VSIG10L: variants seen among roughly 807,000 people sequenced by gnomAD.
VSIG10L encodes V-set and immunoglobulin domain-containing protein 10-like.
VSIG10L carries 63 observed loss-of-function variants against 67.3 expected under a neutral mutation model. The ratio of observed to expected loss-of-function variants is 0.94; its 90% CI spans 0.76 to 1.15. The LOEUF is 1.15. Among genes scored for constraint, VSIG10L ranks in the 50% most tolerant of loss-of-function variants. The probability of loss-of-function intolerance (pLI) is 0.00; values close to 1 mark genes in which losing one functional copy is unlikely to be tolerated. For missense variants in VSIG10L, 1,050 were observed against 1,177.5 expected, an observed-to-expected ratio of 0.89 and a Z score of 1.58; for synonymous variants, 499 against 524.9, an observed-to-expected ratio of 0.95 and a Z score of 0.67.
chr19:51,334,334 G>C, intron 7 of VSIG10L, 30 bp from the exon 8 acceptor site: 1 of 1,544,454 alleles, frequency 6.5e-7, no homozygotes, highest in East Asian at 2.5e-5. Flanking sequence ...GAAAGAGAAG[G>C]GGAACAGGAA....
At position 51,339,131 on chromosome 19, in the gene VSIG10L, C is replaced by CG. The variant is rs1185522503; in HGVS notation, c.1485dup (p.Gly496ArgfsTer8). On this transcript the variant is annotated frameshift_variant, in exon 5 of 10. Transcript: ENST00000335624. LOFTEE classifies it high-confidence loss of function. ...CCTTCAACTGAGCACTGTGGGGCCCCGGGGGGCAGGTCTGCGGAGAGAAGG... is the reference window on the plus strand; with the variant it reads ...CCTTCAACTGAGCACTGTGGGGCCCCGGGGGGGCAGGTCTGCGGAGAGAAGG... 142 of 1,304,550 alleles carry CG rather than the reference C, an allele frequency of 1.1e-4. No homozygotes were observed. The highest frequency in any genetic ancestry group is 1.3e-4 in the Non-Finnish European group (135 of 1,017,936). The allele number at this position is 1,304,550 out of a possible 1,614,324, so 80.8% of individuals were successfully genotyped here.
chr19:51,337,581 A>G (rs1599833487), intron 6 of VSIG10L, 47 bp from the exon 7 acceptor site: 12 of 425,968 alleles, frequency 2.8e-5, no homozygotes, highest in South Asian at 1.4e-4. Flanking sequence ...CAGAGGGGAG[A>G]GGGAAGGGGG....
rs751967506 is a variant in VSIG10L at position 51,334,243 on chromosome 19, C to T, written c.2367G>A (p.Ala789=). ...AAAGGAGGAGAAGTACGGCTAGCAG[C>T]GCCAGGCCCAGCAGGGAGCCCAGGA... ...GIVLGSLLGL[A]LLAVLLLLCI... is the part of the protein sequence containing the mutation. Residue 789 remains alanine (A), a synonymous_variant, in exon 8 of 10, where the codon GCG becomes GCA. Coordinates refer to ENST00000335624, the MANE Select transcript of VSIG10L (RefSeq NM_001163922.3). 13 of 1,551,760 alleles carry T rather than the reference C, an allele frequency of 8.4e-6. No homozygotes were observed. The highest frequency in any genetic ancestry group is 8.3e-5 in the South Asian group (7 of 84,062).
intron 9 of VSIG10L, among the ~76,000 whole-genome samples, chr19:51,333,470 A>C (rs895880028): frequency 6.6e-6 from 1 of 151,816 alleles, no homozygotes; most frequent in African/African-American, 2.4e-5. Context: ...CGGAGGCTGC[A>C]GTGAGTCGAG....
At position 51,341,499 on chromosome 19, in the gene VSIG10L, T is replaced by C. The variant is rs181804034; in HGVS notation, c.549A>G (p.Ala183=). Reference sequence around the variant, plus strand: ...GAAAGCTTGCAGCTGAGTGGGTCTCTGCAGAAAATTTGGATTCAGGGCTCT... The same window carrying C: ...GAAAGCTTGCAGCTGAGTGGGTCTCCGCAGAAAATTTGGATTCAGGGCTCT... ...SAQSPESKFS[A]ETHSAASFPQ... The change falls in exon 2 of 10, where the codon GCA becomes GCG. Residue 183 remains alanine, a synonymous_variant. Coordinates refer to ENST00000335624, the MANE Select transcript of VSIG10L (RefSeq NM_001163922.3). The C allele has an allele frequency of 3.0e-4, 462 of 1,550,914 alleles. 1 individual carries two copies. In the African/African-American group the frequency reaches 4.7e-3, roughly 16 times the overall value.
At chr19:51,341,096 C>T (rs1985623347) in intron 2 of VSIG10L, 57 bp downstream of exon 2, 1 of 1,454,904 alleles carries the variant, frequency 6.9e-7, no homozygotes, top group African/African-American at 1.4e-5. Flanking sequence ...TTGCCCAAAG[C>T]CTGGCAGAGC....
At chr19:51,332,836 AT>A (rs1256243787) in intron 9 of VSIG10L, among the ~76,000 whole-genome samples, 196 bp from the exon 10 acceptor site, 3 of 151,114 alleles carry the variant, frequency 2.0e-5, no homozygotes, top group African/African-American at 7.3e-5. Flanking sequence ...CCCAGTTGTT[AT>A]TTTTTATTTA....
At chr19:51,339,235 T>A (rs1599834347) in intron 4 of VSIG10L, 93 bp from the exon 5 acceptor site, 1 of 1,227,696 alleles carries the variant, frequency 8.1e-7, no homozygotes, top group African/African-American at 1.6e-5. Flanking sequence ...CCTTCTTCAC[T>A]AGCCCCACCC....
intron 9 of VSIG10L, among the ~76,000 whole-genome samples, chr19:51,333,356 C>T (rs1235722176): frequency 6.6e-6 from 1 of 152,060 alleles, no homozygotes; most frequent in Non-Finnish European, 1.5e-5. Context: ...TGGTGAAATC[C>T]CGTCTGTACT....
In VSIG10L at chr19:51,340,517, C is replaced by T; in HGVS notation, c.1105G>A (p.Val369Met). Residue 369 changes from valine (V) to methionine (M), a missense_variant, in exon 3 of 10, where the codon GTG (valine) becomes ATG (methionine). Physicochemically the swap from Val to Met is conservative, Grantham distance 21. Transcript: ENST00000335624. This position sits in a 1 kb window ranked among gnomAD's most constrained non-coding sequence, Gnocchi z 6.3. ...EGDQLLIVRP[V>M]RSDHARYTCR... ...GTGTACCGGGCGTGGTCGCTGCGCA[C>T]AGGGCGCACGATGAGCAGCTGGTCG... is the stretch of plus-strand genomic sequence containing the variant. The T allele has an allele frequency of 6.5e-7, 1 of 1,533,174 alleles. No individual in the cohort carries two copies. Among genetic ancestry groups the T allele is most frequent in the Non-Finnish European group, 8.7e-7 (1 of 1,144,272 alleles). The allele number at this position is 1,533,174 out of a possible 1,614,324, so 95.0% of individuals were successfully genotyped here.
chr19:51,342,030 T>C lies in VSIG10L; in HGVS notation c.41-23A>G, dbSNP rs1985654492. The C allele has an allele frequency of 3.9e-6, 6 of 1,551,528 alleles. No homozygotes were observed. The highest frequency in any genetic ancestry group is 1.2e-5 in the South Asian group (1 of 84,042). ...AGGCTGCAGAGAAGAGAGGAAGGCA[T>C]TGGGGGAGGCTGCTGAGGGAGACTG... is the stretch of plus-strand genomic sequence containing the variant. On this transcript the variant is annotated intron_variant, in intron 1 of 9. Coordinates refer to ENST00000335624, the MANE Select transcript of VSIG10L (RefSeq NM_001163922.3). This position sits in a 1 kb window ranked among gnomAD's most constrained non-coding sequence, Gnocchi z 4.4.
intron 9 of VSIG10L, among the ~76,000 whole-genome samples, chr19:51,333,201 A>G (rs1985397804): frequency 6.6e-6 from 1 of 152,114 alleles, no homozygotes; most frequent in South Asian, 2.1e-4. Context: ...CACTTCATAG[A>G]GAAAAATGGG....
In VSIG10L at chr19:51,334,491, G is replaced by A. The variant is rs73932774; in HGVS notation, c.2306-187C>T. On this transcript the variant is annotated intron_variant, in intron 7 of 9. Coordinates refer to ENST00000335624, the MANE Select transcript of VSIG10L (RefSeq NM_001163922.3). ...TTAACAGTTACTGAGTGACCGTGGT[G>A]TGCCTGGCTCTCAGACAGGTAGTGA... Among the ~76,000 whole-genome samples the A allele has an allele frequency of 1.1e-3, 163 of 152,368 alleles. 1 individual carries two copies. The highest frequency in any genetic ancestry group is 3.7e-3 in the African/African-American group (154 of 41,586).
rs970317503 is a variant in VSIG10L, at chr19:51,334,269, C to T, written c.2341G>A (p.Val781Ile). 9.0e-6 allele frequency: 14 copies of T among 1,551,554 alleles called. No homozygotes were observed. The highest frequency in any genetic ancestry group is 4.1e-5 in the African/African-American group (3 of 73,042). ...TLSHGAIAGI[V>I]LGSLLGLALL... ...GCCAGGCCCAGCAGGGAGCCCAGGA[C>T]GATGCCAGCGATGGCCCCATGGCTC... is the stretch of plus-strand genomic sequence containing the variant. The change falls in exon 8 of 10, where the codon GTC becomes ATC. Residue 781 changes from valine to isoleucine, a missense_variant. Val to Ile is a conservative substitution (Grantham distance 29). Transcript: ENST00000335624.
rs953032195 is a variant in VSIG10L, at chr19:51,340,891, C to T, written c.896-165G>A. 1.3e-5 allele frequency among the ~76,000 whole-genome samples: 2 copies of T among 152,278 alleles called. No homozygotes were observed. The highest frequency in any genetic ancestry group is 1.9e-4 in the East Asian group (1 of 5,174). On this transcript the variant is annotated intron_variant, in intron 2 of 9. Coordinates refer to ENST00000335624, the MANE Select transcript of VSIG10L (RefSeq NM_001163922.3). The surrounding 1 kb of genome is among the most constrained non-coding windows in gnomAD (Gnocchi z 6.3). ...TTTGAGCCCCCAGACACCTCCTCTC[C>T]GGGACCCAGGAGTTCGCCAGAAGAG...
rs146000520 is a variant in VSIG10L at position 51,337,325 on chromosome 19, G to A, written c.2218C>T (p.Arg740Trp). 1,069 of 1,551,700 alleles carry A rather than the reference G, an allele frequency of 6.9e-4. 21 individuals are homozygous for A. The East Asian group carries it at 0.019, about 28-fold the overall frequency. Residue 740 changes from arginine to tryptophan, a missense_variant, in exon 7 of 10, where the codon CGG (arginine) becomes TGG (tryptophan). Arg to Trp is a moderately radical substitution (Grantham distance 101, BLOSUM62 -3). Around this residue, in one of 3 missense-constraint regions of VSIG10L, gnomAD observed 529 missense variants for 584.9 expected, o/e 0.90. Transcript: ENST00000335624. ...CGAAAGGTCCAGGTCCCTGGGTTCC[G>A]AGGTGGAAGGGGCACCACGGCTGAC... ...ERSAVVPLPP[R>W]NPGTWTFRIL...
intron 2 of VSIG10L, 100 bp downstream of exon 2, chr19:51,341,053 T>G (rs1985622437): frequency 7.1e-7 from 1 of 1,413,882 alleles, no homozygotes; most frequent in East Asian, 2.6e-5. Context: ...AGAAGTCCTC[T>G]TCTCCTATCC....
At position 51,333,841 on chromosome 19, in the gene VSIG10L, G is replaced by A; in HGVS notation, c.2524C>T (p.Leu842=). 1.3e-6 allele frequency: 2 copies of A among 1,551,702 alleles called. No individual in the cohort carries two copies. Among genetic ancestry groups the A allele is most frequent in the South Asian group, 1.2e-5 (1 of 84,058 alleles). The part of the protein sequence containing the change: ...SVTPVEISWP[L]DLKVPLEDHS... The stretch of plus-strand genomic sequence containing the variant: ...TCCTCCAGAGGGACTTTGAGGTCCA[G>A]AGGCCATGAAATCTCCACTGGGGTC... Residue 842 remains leucine (L), a synonymous_variant, in exon 9 of 10, where the codon CTG becomes TTG. Transcript: ENST00000335624.
At position 51,340,007 on chromosome 19, in the gene VSIG10L, C is replaced by T. The variant is rs1242384581; in HGVS notation, c.1474+8G>A. ...AGGCATTCCCCTACTCCCGCTCCAGCCTCTCACCCGCCACTGTAAGGTTGA... is the reference window on the plus strand; with the variant it reads ...AGGCATTCCCCTACTCCCGCTCCAGTCTCTCACCCGCCACTGTAAGGTTGA... On this transcript the variant is annotated splice_region_variant and intron_variant, in intron 4 of 9. Coordinates refer to ENST00000335624, the MANE Select transcript of VSIG10L (RefSeq NM_001163922.3). This position sits in a 1 kb window ranked among gnomAD's most constrained non-coding sequence, Gnocchi z 6.3. 1.4e-6 allele frequency: 2 copies of T among 1,390,716 alleles called. No individual in the cohort carries two copies. Among genetic ancestry groups the T allele is most frequent in the Non-Finnish European group, 1.9e-6 (2 of 1,076,492 alleles). The allele number at this position is 1,390,716 out of a possible 1,614,324, so 86.1% of individuals were successfully genotyped here. A position where few individuals can be genotyped will look rare whatever the true frequency, so the allele number is the denominator to read the frequency against.
Sources: allele counts gnomAD v4.1 joint callset (sites outside exome capture counted in the v4.1 genomes callset), GRCh38; gene constraint gnomAD v4.1.1; regional missense constraint gnomAD v4.1.1; non-coding constraint Gnocchi (gnomAD v3.1); transcripts MANE v1.5; gene names NCBI Gene and HGNC (gene_info 2026-07-23, HGNC 2026-07-21).